The following MKLN1 variants were observed in gnomAD, a reference collection of about 807,000 sequenced individuals.
MKLN1 encodes the protein muskelin 1, also known as muskelin.
In MKLN1, 18 loss-of-function variants were observed where a neutral mutation model predicts 99.0. That is an observed-to-expected ratio of 0.18 (90% confidence interval 0.13 to 0.27). MKLN1 has a LOEUF of 0.27. Among genes scored for constraint, MKLN1 ranks in the 10% least tolerant of loss-of-function variants. The pLI, the probability that MKLN1 is intolerant of heterozygous loss-of-function variation, is 1.00. For synonymous variants in MKLN1, 288 were observed against 293.2 expected (o/e 0.98, Z 0.18); for missense variants, 621 against 875.9 (o/e 0.71, Z 3.67).
intron 1 of MKLN1, among the ~76,000 whole-genome samples, chr7:131,371,396 T>C (rs946285010): frequency 6.6e-6 from 1 of 152,220 alleles, no homozygotes; most frequent in Admixed American, 6.6e-5. Flanking sequence ...AATCAGTCCT[T>C]AAGCTTTTCT....
At chr7:131,126,049 AAT>A (rs1491053530) in intron 1 of MKLN1, among the ~76,000 whole-genome samples, 2,777 of 31,150 alleles carry the variant, frequency 0.089, 87 homozygotes, top group African/African-American at 0.19. Context: ...TAAATAAATA[AAT>A]TAATTAATTA....
intron 1 of MKLN1, among the ~76,000 whole-genome samples, chr7:131,339,865 G>T (rs1017706144): frequency 6.6e-6 from 1 of 151,336 alleles, no homozygotes; most frequent in Non-Finnish European, 1.5e-5. Flanking sequence ...TGTAAACTTT[G>T]GTTTTGTAAA....
chr7:131,165,330 C>T (rs1310996462), intron 2 of MKLN1, among the ~76,000 whole-genome samples: 2 of 152,112 alleles, frequency 1.3e-5, no homozygotes, highest in African/African-American at 2.4e-5. Context: ...GGATTACAGG[C>T]ACGCGATACC....
chr7:131,314,679 C>T (rs1798631388), intron 3 of MKLN1, among the ~76,000 whole-genome samples: 1 of 152,086 alleles, frequency 6.6e-6, no homozygotes, highest in African/African-American at 2.4e-5. Context: ...GCCTTGGCCA[C>T]CCAAAGTGCT....
At chr7:131,220,955 T>A (rs1797051329) in intron 3 of MKLN1, among the ~76,000 whole-genome samples, 1 of 152,190 alleles carries the variant, frequency 6.6e-6, no homozygotes, top group South Asian at 2.1e-4. Flanking sequence ...TACCTGTATT[T>A]CTGTCCAGAA....
chr7:131,245,264 C>T (rs1343408792), intron 3 of MKLN1, among the ~76,000 whole-genome samples: 1 of 146,706 alleles, frequency 6.8e-6, no homozygotes, highest in Non-Finnish European at 1.5e-5. Context: ...GATTATTATA[C>T]GGTCTTTTTT....
chr7:131,217,709 CAA>C (rs1374628626), intron 3 of MKLN1, among the ~76,000 whole-genome samples: 1 of 152,022 alleles, frequency 6.6e-6, no homozygotes, highest in African/African-American at 2.4e-5. Context: ...AAAAACAAAA[CAA>C]AACAAAATAT....
rs758091763 is a variant in MKLN1, at chr7:131,489,839, C to G, written c.*2111C>G. 7.2e-5 allele frequency: 11 copies of G among 152,044 alleles called. No individual in the cohort carries two copies. The highest frequency in any genetic ancestry group is 1.5e-4 in the Non-Finnish European group (10 of 67,976). The allele number at this position is 152,044 out of a possible 1,614,324, so 9.4% of individuals were successfully genotyped here. A position where few individuals can be genotyped will look rare whatever the true frequency, so the allele number is the denominator to read the frequency against. Reference sequence around the variant, plus strand: ...TTGGAAAACATGTTTGTTTTAATTTCATCTTCCCTCACTTTATTTAGGTAG... The same window carrying G: ...TTGGAAAACATGTTTGTTTTAATTTGATCTTCCCTCACTTTATTTAGGTAG... On this transcript the variant is annotated 3_prime_UTR_variant, in exon 18 of 18. Transcript: ENST00000352689.
chr7:131,491,674 G>A lies in MKLN1; in HGVS notation c.*3946G>A, dbSNP rs1200396578. ...GATGTTGCCCTCATTTGTTTTGGGTGAGGACTCATTACTGCAGTATATTGA... is the reference window on the plus strand; with the variant it reads ...GATGTTGCCCTCATTTGTTTTGGGTAAGGACTCATTACTGCAGTATATTGA... On this transcript the variant is annotated 3_prime_UTR_variant, in exon 18 of 18. Transcript: ENST00000352689. 1 of 152,260 alleles carries A rather than the reference G, an allele frequency of 6.6e-6. No individual in the cohort carries two copies. Among genetic ancestry groups the A allele is most frequent in the Non-Finnish European group, 1.5e-5 (1 of 68,024 alleles). 9.4% of individuals were successfully genotyped at this position (152,260 alleles called of 1,614,324 possible).
intron 2 of MKLN1, among the ~76,000 whole-genome samples, chr7:131,176,140 GT>G (rs1796295951): frequency 6.6e-6 from 1 of 151,888 alleles, no homozygotes; most frequent in Non-Finnish European, 1.5e-5. Context: ...TTGAATATTT[GT>G]AATTTGTAAC....
intron 3 of MKLN1, among the ~76,000 whole-genome samples, chr7:131,299,766 C>T (rs935286334): frequency 7.9e-5 from 12 of 152,134 alleles, no homozygotes; most frequent in Non-Finnish European, 1.0e-4. Flanking sequence ...GCCAACTGTT[C>T]GTTAACGATG....
chr7:131,446,999 G>A (rs1353542566), intron 12 of MKLN1, among the ~76,000 whole-genome samples: 2 of 152,130 alleles, frequency 1.3e-5, no homozygotes, highest in African/African-American at 4.8e-5. Context: ...AGCATCTAAT[G>A]TAAAAAACGA....
chr7:131,431,004 C>G (rs1795506565), intron 9 of MKLN1, among the ~76,000 whole-genome samples: 1 of 152,074 alleles, frequency 6.6e-6, no homozygotes, highest in Non-Finnish European at 1.5e-5. Flanking sequence ...AGCAGATCAC[C>G]TGAGCTCAGT....
chr7:131,220,500 A>C (rs1010138950), intron 3 of MKLN1, among the ~76,000 whole-genome samples: 1 of 152,170 alleles, frequency 6.6e-6, no homozygotes, highest in African/African-American at 2.4e-5. Context: ...AAAGAGGTTT[A>C]ATCATAGGGT....
At chr7:131,138,395 C>T (rs535417858) in intron 1 of MKLN1, among the ~76,000 whole-genome samples, 8 of 152,220 alleles carry the variant, frequency 5.3e-5, no homozygotes, top group African/African-American at 1.2e-4. Context: ...ATAAACCAGC[C>T]GTAACACCTC....
chr7:131,343,010 G>A (rs1014997042), intron 1 of MKLN1, among the ~76,000 whole-genome samples: 2 of 152,202 alleles, frequency 1.3e-5, no homozygotes, highest in Admixed American at 1.3e-4. Flanking sequence ...TTCAATAGGA[G>A]GTAGCAAAGG....
chr7:131,462,410 G>A (rs996138419), intron 12 of MKLN1, among the ~76,000 whole-genome samples: 5 of 152,148 alleles, frequency 3.3e-5, no homozygotes, highest in Non-Finnish European at 7.4e-5. Flanking sequence ...ATTAAGCAAC[G>A]CTGCGTTTTA....
At chr7:131,259,533 T>G (rs1049356804) in intron 3 of MKLN1, among the ~76,000 whole-genome samples, 7 of 152,156 alleles carry the variant, frequency 4.6e-5, no homozygotes, top group Admixed American at 6.5e-5. Context: ...TACTTTAACA[T>G]TCACCTCTAA....
At chr7:131,291,452 C>T (rs1475441960) in intron 3 of MKLN1, among the ~76,000 whole-genome samples, 5 of 151,730 alleles carry the variant, frequency 3.3e-5, no homozygotes, top group African/African-American at 4.8e-5. Context: ...TTATTTTAAG[C>T]TTCAAATTTC....
Sources: allele counts gnomAD v4.1 joint callset (sites outside exome capture counted in the v4.1 genomes callset), GRCh38; gene constraint gnomAD v4.1.1; transcripts MANE v1.5; gene names NCBI Gene and HGNC (gene_info 2026-07-23, HGNC 2026-07-21).